Variants in FBXO34 observed in about 807,000 individuals in gnomAD.
FBXO34 encodes the protein F-box protein 34.
In FBXO34, 12 loss-of-function variants were observed where a neutral mutation model predicts 24.5. The observed-to-expected ratio is 0.49, with a 90% CI of 0.31 to 0.79. FBXO34 has a LOEUF of 0.79. Among genes scored for constraint, FBXO34 ranks in the 30% least tolerant of loss-of-function variants. FBXO34 has a pLI of 0.04. For synonymous variants in FBXO34, 320 were observed against 311.9 expected, an observed-to-expected ratio of 1.03 and a Z score of -0.27; for missense variants, 823 against 857.7, an observed-to-expected ratio of 0.96 and a Z score of 0.51.
chr14:55,278,976 C>T (rs1421751695), intron 1 of FBXO34, among the ~76,000 whole-genome samples: 1 of 152,162 alleles, frequency 6.6e-6, no homozygotes, highest in Non-Finnish European at 1.5e-5. Context: ...CGTGAGCCAC[C>T]ATGCCCACCC....
chr14:55,368,813 A>G (rs1884744052), downstream of FBXO34: 1 of 152,212 alleles, frequency 6.6e-6, no homozygotes. Flanking sequence ...TTTCACCCAG[A>G]AAATATAAGT....
At chr14:55,360,825 C>CT (rs1884584387) in intron 3 of FBXO34, among the ~76,000 whole-genome samples, 1 of 152,032 alleles carries the variant, frequency 6.6e-6, no homozygotes, top group Admixed American at 6.5e-5. Flanking sequence ...TGGTGAAACT[C>CT]TGTCTCTACT....
the FBXO34 span, among the ~76,000 whole-genome samples, chr14:55,432,437 CA>C: frequency 1.1e-4 from 11 of 98,038 alleles, no homozygotes; most frequent in Admixed American, 9.5e-4. Context: ...AACAAATAAA[CA>C]AACAACAAAA....
intron 3 of FBXO34, among the ~76,000 whole-genome samples, chr14:55,360,051 A>G (rs575494767): frequency 6.6e-6 from 1 of 151,940 alleles, no homozygotes; most frequent in Admixed American, 6.6e-5. Flanking sequence ...ACTGCACTCC[A>G]GCCTGGATGA....
chr14:55,428,358 T>C, the FBXO34 span, among the ~76,000 whole-genome samples: 160 of 152,228 alleles, frequency 1.1e-3, no homozygotes, highest in Non-Finnish European at 1.8e-3. Flanking sequence ...CTCGATCTCC[T>C]GACCTCGTGA....
the FBXO34 span, among the ~76,000 whole-genome samples, chr14:55,387,913 C>T: frequency 6.6e-6 from 1 of 152,184 alleles, no homozygotes; most frequent in Non-Finnish European, 1.5e-5. Flanking sequence ...CCGCCCGCCT[C>T]GGCCTCCCAA....
At chr14:55,284,228 T>A (rs1881672706) in intron 1 of FBXO34, among the ~76,000 whole-genome samples, 1 of 152,174 alleles carries the variant, frequency 6.6e-6, no homozygotes, top group African/African-American at 2.4e-5. Flanking sequence ...AATTACAGTA[T>A]ATGGGTTGGG....
At chr14:55,313,730 T>A (rs1393682339) in intron 1 of FBXO34, among the ~76,000 whole-genome samples, 1 of 152,026 alleles carries the variant, frequency 6.6e-6, no homozygotes, top group African/African-American at 2.4e-5. Flanking sequence ...TACAAAACCA[T>A]CAGATCTCGT....
intron 1 of FBXO34, among the ~76,000 whole-genome samples, chr14:55,310,545 G>A (rs1035587864): frequency 2.6e-5 from 4 of 152,128 alleles, no homozygotes; most frequent in Admixed American, 1.3e-4. Flanking sequence ...TGTAGACTAT[G>A]CCTTCAGGTA....
chr14:55,310,764 A>G (rs1882709264), intron 1 of FBXO34, among the ~76,000 whole-genome samples: 1 of 152,164 alleles, frequency 6.6e-6, no homozygotes, highest in Non-Finnish European at 1.5e-5. Flanking sequence ...GCTGGACTAT[A>G]TCTATTTGCA....
chr14:55,411,692 G>C, the FBXO34 span: 1 of 1,613,122 alleles, frequency 6.2e-7, no homozygotes, highest in African/African-American at 1.3e-5. Flanking sequence ...GTTGCACAGC[G>C]GGCAGCGCTC....
downstream of FBXO34, among the ~76,000 whole-genome samples, chr14:55,372,594 C>T (rs1017572550): frequency 5.9e-5 from 9 of 151,518 alleles, no homozygotes; most frequent in Non-Finnish European, 1.2e-4. Context: ...TTCCTCACTC[C>T]TTCCCTTCCT....
At chr14:55,349,753 C>T (rs576846761) in intron 1 of FBXO34, among the ~76,000 whole-genome samples, 8 of 151,648 alleles carry the variant, frequency 5.3e-5, no homozygotes, top group South Asian at 2.1e-4. Context: ...ATTACAGGCA[C>T]GCCCCACTAC....
chr14:55,423,690 G>A, the FBXO34 span, among the ~76,000 whole-genome samples: 1 of 152,168 alleles, frequency 6.6e-6, no homozygotes, highest in Non-Finnish European at 1.5e-5. Context: ...ACATTTCAGA[G>A]CCCATTCCTT....
downstream of FBXO34, among the ~76,000 whole-genome samples, chr14:55,372,117 C>T (rs1177228260): frequency 6.6e-6 from 1 of 152,132 alleles, no homozygotes; most frequent in Non-Finnish European, 1.5e-5. Context: ...GTTACTAAAC[C>T]CTCAGGCTCA....
chr14:55,377,850 G>A, the FBXO34 span: 1 of 1,601,226 alleles, frequency 6.2e-7, no homozygotes, highest in Non-Finnish European at 8.5e-7. Flanking sequence ...GGACTGACCA[G>A]GTACATTAGA....
Position 55,351,041 on chromosome 14 carries a change from A to G in FBXO34, c.651A>G (p.Arg217=). Residue 217 remains arginine (R), a synonymous_variant, in exon 2 of 2, where the codon AGA becomes AGG. Transcript: ENST00000313833. ...VIQMVAFLEQ[R]ASALLASCSK... ...AGATGGTTGCCTTCTTGGAGCAAAG[A>G]GCCAGTGCTCTGCTAGCTAGCTGTT... 6.2e-7 allele frequency: 1 copy of G among 1,614,214 alleles called. No individual in the cohort carries two copies. Among genetic ancestry groups the G allele is most frequent in the Non-Finnish European group, 8.5e-7 (1 of 1,180,030 alleles).
the FBXO34 span, among the ~76,000 whole-genome samples, chr14:55,379,632 T>C: frequency 3.9e-4 from 59 of 152,316 alleles, no homozygotes; most frequent in African/African-American, 1.4e-3. Context: ...GGTAATAATA[T>C]GTTTATATAT....
At chr14:55,412,434 A>G in the FBXO34 span, among the ~76,000 whole-genome samples, 2 of 152,212 alleles carry the variant, frequency 1.3e-5, no homozygotes, top group Non-Finnish European at 2.9e-5. Flanking sequence ...TGAACGTGCA[A>G]AATCAGAATT....
Sources: gnomAD v4.1 joint callset for allele counts (sites outside exome capture counted in the v4.1 genomes callset) on GRCh38, gnomAD v4.1.1 for gene constraint, MANE v1.5 for transcripts, NCBI Gene and HGNC (gene_info 2026-07-23, HGNC 2026-07-21) for gene names.